Variants in TMEM131 observed in about 807,000 individuals in gnomAD.
The protein encoded by TMEM131 is 2610524E03Rik.
TMEM131 carries 66 observed loss-of-function variants against 211.6 expected under a neutral mutation model. The observed-to-expected ratio is 0.31, with a 90% CI of 0.26 to 0.38. The LOEUF is 0.38. TMEM131 is among the 10% of genes least tolerant of loss of function. The probability of loss-of-function intolerance (pLI) is 1.00; values close to 1 mark genes in which losing one functional copy is unlikely to be tolerated. For synonymous variants in TMEM131, 844 were observed against 841.3 expected (o/e 1.00, Z -0.06); for missense variants, 2,036 against 2,299.3 (o/e 0.89, Z 2.34).
At chr2:97,856,914 T>C (rs1357713576) in intron 5 of TMEM131, among the ~76,000 whole-genome samples, 2 of 152,180 alleles carry the variant, frequency 1.3e-5, no homozygotes, top group Non-Finnish European at 1.5e-5. Flanking sequence ...TAAATGTGGA[T>C]TTTGATAGGT....
At chr2:97,908,832 G>T (rs1299119284) in intron 2 of TMEM131, 134 bp from the exon 3 acceptor site, 2 of 624,502 alleles carry the variant, frequency 3.2e-6, no homozygotes, top group Admixed American at 6.1e-5. Flanking sequence ...GGTTAAACCT[G>T]GTCTCCAAAT....
chr2:97,772,042 C>T (rs1250686947), intron 33 of TMEM131, among the ~76,000 whole-genome samples: 1 of 152,306 alleles, frequency 6.6e-6, no homozygotes, highest in East Asian at 1.9e-4. Flanking sequence ...AATTTTCCTC[C>T]TAAATTTTTA....
chr2:97,805,938 T>A (rs750519304), intron 19 of TMEM131, among the ~76,000 whole-genome samples: 13 of 152,316 alleles, frequency 8.5e-5, no homozygotes, highest in Non-Finnish European at 1.6e-4. Flanking sequence ...ATCTTTGCAA[T>A]CTTGTGACAA....
rs1681605683 is a variant in TMEM131, at chr2:97,812,655, T to C, written c.1712A>G (p.Asn571Ser). The C allele has an allele frequency of 3.8e-6, 6 of 1,593,540 alleles. No individual in the cohort carries two copies. The highest frequency in any genetic ancestry group is 5.1e-6 in the Non-Finnish European group (6 of 1,173,316). ...EASNILFAII[N>S]SNPIELAIKS... is the part of the protein sequence containing the mutation. ...GGTTTTTACCTCAATTGGATTGCTG[T>C]TTATAATTGCAAATAAAATATTACT... The change falls in exon 16 of 41, where the codon AAC becomes AGC. Residue 571 changes from asparagine to serine, a missense_variant. Coordinates refer to ENST00000186436, the MANE Select transcript of TMEM131 (RefSeq NM_015348.2).
At chr2:97,912,868 T>C (rs1039472126) in intron 2 of TMEM131, among the ~76,000 whole-genome samples, 9 of 152,146 alleles carry the variant, frequency 5.9e-5, no homozygotes, top group Non-Finnish European at 1.3e-4. Context: ...GGGAGGAAAA[T>C]GGACTCTTCT....
chr2:97,852,965 T>C (rs1370522299), intron 5 of TMEM131, among the ~76,000 whole-genome samples: 1 of 152,212 alleles, frequency 6.6e-6, no homozygotes, highest in African/African-American at 2.4e-5. Context: ...GCACATCTAT[T>C]TATAACATGG....
At chr2:97,981,574 C>T (rs1036180509) in intron 1 of TMEM131, among the ~76,000 whole-genome samples, 9 of 152,110 alleles carry the variant, frequency 5.9e-5, no homozygotes, top group Admixed American at 1.3e-4. Context: ...AGATGAAAAG[C>T]CTATCAATTT....
intron 18 of TMEM131, among the ~76,000 whole-genome samples, chr2:97,810,336 T>C (rs1470397000): frequency 6.6e-6 from 1 of 152,200 alleles, no homozygotes; most frequent in Non-Finnish European, 1.5e-5. Flanking sequence ...TTAACAAAAA[T>C]TTATCTGAAT....
At chr2:97,788,743 G>T (rs904461891) in intron 31 of TMEM131, among the ~76,000 whole-genome samples, 9 of 152,158 alleles carry the variant, frequency 5.9e-5, no homozygotes, top group African/African-American at 2.2e-4. Context: ...GTAGCAAGCA[G>T]TGCCAGTCAC....
At chr2:97,862,927 G>C (rs934133915) in intron 4 of TMEM131, among the ~76,000 whole-genome samples, 2 of 152,202 alleles carry the variant, frequency 1.3e-5, no homozygotes, top group African/African-American at 2.4e-5. Flanking sequence ...ACTACCTCAA[G>C]GCATTTAATA....
At chr2:97,822,976 G>C (rs1323234546) in intron 11 of TMEM131, among the ~76,000 whole-genome samples, 1 of 152,110 alleles carries the variant, frequency 6.6e-6, no homozygotes, top group East Asian at 1.9e-4. Context: ...ATGGCCACCT[G>C]AGGGAAGTAT....
At chr2:97,758,757 A>T in intron 40 of TMEM131, 136 bp downstream of exon 40, 1 of 1,157,798 alleles carries the variant, frequency 8.6e-7, no homozygotes, top group Non-Finnish European at 1.2e-6. Flanking sequence ...AATGGAGACA[A>T]TAAAAGTACT....
At chr2:97,914,348 A>T (rs1676416274) in intron 2 of TMEM131, among the ~76,000 whole-genome samples, 1 of 152,194 alleles carries the variant, frequency 6.6e-6, no homozygotes, top group Non-Finnish European at 1.5e-5. Context: ...GCACAGCGAC[A>T]CTGGTACGAT....
Position 97,980,164 on chromosome 2 carries a change from C to T in TMEM131, c.187+15312G>A, listed in dbSNP as rs572305923. Among the ~76,000 whole-genome samples the T allele has an allele frequency of 8.7e-5, 13 of 150,236 alleles. No individual in the cohort carries two copies. The South Asian group carries it at 2.7e-3, about 31-fold the overall frequency. ...AATTACACAATCACATCAAAGATCA[C>T]TGATTGCAGATTACCATTACAGATT... On this transcript the variant is annotated intron_variant, in intron 1 of 40. Transcript: ENST00000186436.
In TMEM131 at chr2:97,838,484, G is replaced by A. The variant is rs567359822; in HGVS notation, c.724-1327C>T. ...TTTTGAGACGGAGTCTCGCCCTGTC[G>A]CTCAGGCTGGAGTGCAATGGTGTGA... On this transcript the variant is annotated intron_variant, in intron 7 of 40. Transcript: ENST00000186436. 1.4e-4 allele frequency among the ~76,000 whole-genome samples: 18 copies of A among 124,544 alleles called. No homozygotes were observed. In the East Asian group the frequency reaches 2.4e-3, roughly 16 times the overall value. 81.7% of individuals were successfully genotyped at this position (124,544 alleles called of 152,430 possible).
At chr2:97,865,815 C>T (rs1335067643) in intron 4 of TMEM131, among the ~76,000 whole-genome samples, 1 of 152,138 alleles carries the variant, frequency 6.6e-6, no homozygotes, top group African/African-American at 2.4e-5. Flanking sequence ...GGTATTAATT[C>T]TTCTTTGATT....
At chr2:97,827,313 G>A (rs1682447386) in intron 11 of TMEM131, 9 of 787,604 alleles carry the variant, frequency 1.1e-5, no homozygotes, top group Non-Finnish European at 1.2e-5. Flanking sequence ...GGAGATCGGC[G>A]CGGTTGTCAG....
chr2:97,888,164 T>C (rs1461130811), intron 3 of TMEM131, 44 bp from the exon 4 acceptor site: 4 of 1,527,954 alleles, frequency 2.6e-6, no homozygotes, highest in Non-Finnish European at 3.6e-6. Context: ...TTCTTCAAAA[T>C]ATATGTTTCC....
chr2:97,836,060 T>C (rs879561524), intron 8 of TMEM131, among the ~76,000 whole-genome samples: 1 of 152,240 alleles, frequency 6.6e-6, no homozygotes, highest in African/African-American at 2.4e-5. Context: ...CTCTGAAGGA[T>C]TGTTTTATAG....
Sources: gnomAD v4.1 joint callset for allele counts (sites outside exome capture counted in the v4.1 genomes callset) on GRCh38, gnomAD v4.1.1 for gene constraint, MANE v1.5 for transcripts, NCBI Gene and HGNC (gene_info 2026-07-23, HGNC 2026-07-21) for gene names.